Variants in STPG4 observed in about 807,000 individuals in gnomAD.
STPG4 encodes sperm-tail PG-rich repeat containing 4.
In STPG4, 41 loss-of-function variants were observed where a neutral mutation model predicts 31.5. The ratio of observed to expected loss-of-function variants is 1.30; its 90% confidence interval spans 1.01 to 1.69. The LOEUF (loss-of-function observed/expected upper bound fraction) is 1.69. Ranked by LOEUF, STPG4 falls within the 40% of genes most tolerant of loss-of-function variation. The pLI is 0.00. For missense variants in STPG4, 375 were observed against 293.4 expected, an observed-to-expected ratio of 1.28 and a Z score of -2.03; for synonymous variants, 141 against 103.0, an observed-to-expected ratio of 1.37 and a Z score of -2.24.
At chr2:47,130,163 G>T in intron 4 of STPG4, 33 bp downstream of exon 4, 1 of 1,590,158 alleles carries the variant, frequency 6.3e-7, no homozygotes, top group Non-Finnish European at 8.6e-7. Flanking sequence ...TATGTAAACA[G>T]AAAGGCAGCT....
At chr2:47,138,233 A>G (rs1341325629) in intron 3 of STPG4, among the ~76,000 whole-genome samples, 1 of 152,148 alleles carries the variant, frequency 6.6e-6, no homozygotes, top group Non-Finnish European at 1.5e-5. Context: ...TTCTAACAAC[A>G]CAGATCCATG....
intron 5 of STPG4, among the ~76,000 whole-genome samples, chr2:47,115,780 G>A (rs1686141082): frequency 6.7e-6 from 1 of 150,240 alleles, no homozygotes; most frequent in Admixed American, 6.8e-5. Context: ...AGCCTTCCTA[G>A]TTGCTGGGAT....
intron 5 of STPG4, among the ~76,000 whole-genome samples, chr2:47,103,144 C>A (rs776207362): frequency 5.9e-5 from 9 of 151,848 alleles, no homozygotes; most frequent in Non-Finnish European, 1.2e-4. Flanking sequence ...ATCATGGGGA[C>A]TGGAGTCGTA....
chr2:47,118,130 C>T (rs2103764122), intron 5 of STPG4, among the ~76,000 whole-genome samples: 1 of 152,162 alleles, frequency 6.6e-6, no homozygotes, highest in Admixed American at 6.5e-5. Flanking sequence ...CCCCAACCCC[C>T]AGGCTTCATA....
chr2:47,094,530 T>C (rs927456728), intron 5 of STPG4, among the ~76,000 whole-genome samples: 2 of 152,128 alleles, frequency 1.3e-5, no homozygotes, highest in Admixed American at 6.5e-5. Context: ...CACAGATGAA[T>C]AAAATACTCT....
intron 3 of STPG4, among the ~76,000 whole-genome samples, chr2:47,147,491 G>C (rs147583951): frequency 1.2e-4 from 18 of 152,166 alleles, no homozygotes; most frequent in African/African-American, 3.9e-4. Flanking sequence ...AATTGTTAGG[G>C]TTGGGATATT....
chr2:47,152,813 A>G, intron 2 of STPG4, 144 bp downstream of exon 2: 1 of 501,426 alleles, frequency 2.0e-6, no homozygotes, highest in South Asian at 5.9e-5. Flanking sequence ...TGACACTAAA[A>G]TTTTAAGTAT....
chr2:47,136,545 C>T (rs1336606967), intron 3 of STPG4, among the ~76,000 whole-genome samples: 7 of 152,122 alleles, frequency 4.6e-5, no homozygotes, highest in Non-Finnish European at 1.0e-4. Flanking sequence ...CATCTTTCGG[C>T]GTCCTAATGT....
intron 5 of STPG4, among the ~76,000 whole-genome samples, chr2:47,101,208 T>C (rs1035028055): frequency 1.3e-5 from 2 of 151,822 alleles, no homozygotes; most frequent in African/African-American, 2.4e-5. Flanking sequence ...ACTAAAAACA[T>C]GGGTGTCAGG....
intron 3 of STPG4, among the ~76,000 whole-genome samples, chr2:47,133,568 A>ATTTTTTTTTTTT (rs1347133934): frequency 2.8e-5 from 1 of 36,322 alleles, no homozygotes; most frequent in Non-Finnish European, 7.4e-5. Context: ...AGGCACTCAA[A>ATTTTTTTTTTTT]TCTTTTTTTT....
chr2:47,153,981 G>C (rs1418991052), intron 1 of STPG4, among the ~76,000 whole-genome samples: 1 of 152,146 alleles, frequency 6.6e-6, no homozygotes, highest in Middle Eastern at 3.4e-3. Flanking sequence ...ATTTATTTCA[G>C]CCCATTGTCC....
At chr2:47,097,587 C>A (rs969596704) in intron 5 of STPG4, among the ~76,000 whole-genome samples, 3 of 152,188 alleles carry the variant, frequency 2.0e-5, no homozygotes, top group Admixed American at 6.5e-5. Flanking sequence ...ATGGTGGAAG[C>A]TTCTGCCCTT....
chr2:47,147,543 C>A (rs1686847620), intron 3 of STPG4, among the ~76,000 whole-genome samples: 1 of 152,088 alleles, frequency 6.6e-6, no homozygotes, highest in South Asian at 2.1e-4. Context: ...AGTTGAAATT[C>A]TTGGTCTTGA....
chr2:47,132,073 G>A (rs1233485446), intron 3 of STPG4, among the ~76,000 whole-genome samples: 2 of 151,880 alleles, frequency 1.3e-5, no homozygotes, highest in African/African-American at 2.4e-5. Flanking sequence ...GCTGAGGCAC[G>A]AGAATCACTT....
chr2:47,095,860 G>A (rs1237758220), intron 5 of STPG4, among the ~76,000 whole-genome samples: 1 of 152,112 alleles, frequency 6.6e-6, no homozygotes, highest in African/African-American at 2.4e-5. Context: ...AAATTCCAAG[G>A]GGAAGCCTTC....
intron 5 of STPG4, among the ~76,000 whole-genome samples, chr2:47,120,341 A>G (rs1686242307): frequency 1.3e-5 from 2 of 152,102 alleles, no homozygotes; most frequent in African/African-American, 4.8e-5. Flanking sequence ...AAAAACAAAA[A>G]CAAAAAACAA....
intron 3 of STPG4, among the ~76,000 whole-genome samples, chr2:47,138,279 T>C (rs1181424026): frequency 6.6e-6 from 1 of 152,226 alleles, no homozygotes; most frequent in African/African-American, 2.4e-5. Context: ...TCTCCACATA[T>C]TTTGGGGTTT....
chr2:47,117,930 A>AT (rs112745155), intron 5 of STPG4, among the ~76,000 whole-genome samples: 177 of 117,570 alleles, frequency 1.5e-3, no homozygotes, highest in African/African-American at 3.0e-3. Context: ...ATATATATAT[A>AT]TTTTTTTTTT....
chr2:47,089,654 T>TA (rs35936692), intron 6 of STPG4, among the ~76,000 whole-genome samples: 17,812 of 148,396 alleles, frequency 0.12, 1,224 homozygotes, highest in African/African-American at 0.19. Context: ...CTTTTGACAT[T>TA]AAAAAAAAAA....
Sources: allele counts gnomAD v4.1 joint callset (sites outside exome capture counted in the v4.1 genomes callset), GRCh38; gene constraint gnomAD v4.1.1; transcripts MANE v1.5; gene names NCBI Gene and HGNC (gene_info 2026-07-23, HGNC 2026-07-21).